ZC3H12B: variants seen among roughly 807,000 people sequenced by gnomAD.
ZC3H12B encodes the protein probable ribonuclease ZC3H12B.
Under a neutral mutation model 43.9 loss-of-function variants are expected in ZC3H12B, and 7 were observed. The ratio of observed to expected loss-of-function variants is 0.16; its 90% CI spans 0.09 to 0.30. ZC3H12B has a LOEUF of 0.30. Among genes scored for constraint, ZC3H12B ranks in the 10% least tolerant of loss-of-function variants. The pLI is 1.00. For missense variants in ZC3H12B, 475 were observed against 670.2 expected, an observed-to-expected ratio of 0.71 and a Z score of 3.22; for synonymous variants, 222 against 241.7, an observed-to-expected ratio of 0.92 and a Z score of 0.76.
the ZC3H12B span, among the ~76,000 whole-genome samples, chrX:65,080,332 G>T: frequency 1.8e-5 from 2 of 110,062 alleles, no homozygotes; most frequent in Non-Finnish European, 3.8e-5. Context: ...TAATAACAGA[G>T]AAGTCTCAAA....
chrX:65,227,632 C>CAT, the ZC3H12B span, among the ~76,000 whole-genome samples: 1 of 110,639 alleles, frequency 9.0e-6, no homozygotes, highest in South Asian at 3.8e-4. Flanking sequence ...TGATACACTG[C>CAT]TAGCAAGACT....
chrX:65,375,263 G>T (rs934775884), intron 2 of ZC3H12B, among the ~76,000 whole-genome samples: 2 of 112,007 alleles, frequency 1.8e-5, no homozygotes, highest in African/African-American at 6.5e-5. Flanking sequence ...ATTTAGACCA[G>T]CCCCAGCCAG....
the ZC3H12B span, among the ~76,000 whole-genome samples, chrX:65,323,779 A>G: frequency 2.7e-5 from 3 of 112,085 alleles, no homozygotes; most frequent in Non-Finnish European, 5.6e-5. Flanking sequence ...ACTGTCTTCC[A>G]CAATGGTTGA....
At chrX:65,419,202 G>A (rs1395832860) in intron 3 of ZC3H12B, among the ~76,000 whole-genome samples, 3 of 111,876 alleles carry the variant, frequency 2.7e-5, no homozygotes, top group Non-Finnish European at 5.6e-5. Flanking sequence ...CAGTTCCCTG[G>A]CCTGTGGAAT....
exon 2 of ZC3H12B, chrX:65,368,910 A>T (rs778053330): frequency 8.9e-6 from 1 of 112,283 alleles, no homozygotes; most frequent in Admixed American, 9.5e-5. Context: ...AAAAGTAAAA[A>T]ATACAGACGT....
the ZC3H12B span, among the ~76,000 whole-genome samples, chrX:65,095,026 G>T: frequency 8.9e-6 from 1 of 111,963 alleles, no homozygotes; most frequent in East Asian, 2.8e-4. Flanking sequence ...GACAAACTGA[G>T]AATATTTATT....
At chrX:65,369,194 T>C (rs1029832426) in intron 2 of ZC3H12B, among the ~76,000 whole-genome samples, 196 bp downstream of exon 4, 6 of 111,713 alleles carry the variant, frequency 5.4e-5, no homozygotes, top group African/African-American at 1.9e-4. Context: ...TCTTCTTAGG[T>C]TGAAAATATG....
intron 3 of ZC3H12B, among the ~76,000 whole-genome samples, chrX:65,459,323 T>C (rs967600132): frequency 9.0e-6 from 1 of 111,538 alleles, no homozygotes; most frequent in Non-Finnish European, 1.9e-5. Context: ...CTCCAATCAA[T>C]AGAAAAAGAG....
the ZC3H12B span, among the ~76,000 whole-genome samples, chrX:65,223,311 A>T: frequency 8.9e-6 from 1 of 111,825 alleles, no homozygotes; most frequent in Non-Finnish European, 1.9e-5. Flanking sequence ...CTTAAAAAAA[A>T]AAAAAATCAA....
chrX:65,356,900 T>C, the ZC3H12B span: 1 of 378,702 alleles, frequency 2.6e-6, no homozygotes, highest in Non-Finnish European at 5.0e-6. Context: ...ACATGGATAA[T>C]TGAAGATCTG....
At chrX:65,061,021 A>G in the ZC3H12B span, among the ~76,000 whole-genome samples, 5 of 111,727 alleles carry the variant, frequency 4.5e-5, no homozygotes, top group Admixed American at 4.7e-4. Flanking sequence ...GAATTTGTCC[A>G]TTTACTATAG....
At chrX:65,421,120 C>T (rs2067012516) in intron 3 of ZC3H12B, among the ~76,000 whole-genome samples, 1 of 112,267 alleles carries the variant, frequency 8.9e-6, no homozygotes, top group Non-Finnish European at 1.9e-5. Flanking sequence ...TGACACTATG[C>T]TGACTGGACC....
chrX:65,366,469 TTCTG>T (rs775506338), upstream of ZC3H12B, among the ~76,000 whole-genome samples: 4 of 112,590 alleles, frequency 3.6e-5, no homozygotes, highest in East Asian at 1.1e-3. Context: ...CCCTCTCTCT[TTCTG>T]TCTGTCTAGT....
intron 1 of ZC3H12B, among the ~76,000 whole-genome samples, chrX:65,494,453 GA>G (rs1275010595): frequency 8.4e-5 from 9 of 107,061 alleles, no homozygotes; most frequent in South Asian, 4.0e-4. Context: ...TGCCAAGGCT[GA>G]AAAAAAAAAT....
the ZC3H12B span, among the ~76,000 whole-genome samples, chrX:65,120,420 G>A: frequency 3.9e-4 from 43 of 111,428 alleles, no homozygotes; most frequent in Non-Finnish European, 7.5e-4. Flanking sequence ...TTGTGAATGG[G>A]AGTTCACTCA....
the ZC3H12B span, among the ~76,000 whole-genome samples, chrX:65,223,402 G>A: frequency 8.9e-6 from 1 of 111,884 alleles, no homozygotes; most frequent in South Asian, 3.7e-4. Context: ...ACCATTTTAG[G>A]CATTGGCTTA....
At chrX:65,364,568 C>CTCTCCCACCTACTCCCCCACTGAA (rs1556043099), upstream of ZC3H12B, among the ~76,000 whole-genome samples, 39 of 109,113 alleles carry the variant, frequency 3.6e-4, no homozygotes, top group African/African-American at 1.4e-3. Context: ...TGGCACCGGT[C>CTCTCCCACCTACTCCCCCACTGAA]ACTTCCACCT....
the ZC3H12B span, among the ~76,000 whole-genome samples, chrX:65,314,605 T>C: frequency 1.8e-5 from 2 of 111,772 alleles, no homozygotes; most frequent in Non-Finnish European, 3.8e-5. Flanking sequence ...AGAAAGGAAA[T>C]CTAAAAGAAT....
the ZC3H12B span, among the ~76,000 whole-genome samples, chrX:65,115,436 T>G: frequency 1.8e-5 from 2 of 111,831 alleles, no homozygotes; most frequent in Admixed American, 9.6e-5. Flanking sequence ...TTACCACATT[T>G]TCTTTATCTA....
Sources: gnomAD v4.1 joint callset for allele counts (sites outside exome capture counted in the v4.1 genomes callset) on GRCh38, gnomAD v4.1.1 for gene constraint, MANE v1.5 for transcripts, NCBI Gene and HGNC (gene_info 2026-07-23, HGNC 2026-07-21) for gene names.